Variants in RCC1L observed in about 807,000 individuals in gnomAD.
The protein encoded by RCC1L is RCC1 like.
In RCC1L, 46 loss-of-function variants were observed where a neutral mutation model predicts 58.6. The ratio of observed to expected loss-of-function variants is 0.79; its 90% CI spans 0.62 to 1.00. RCC1L has a LOEUF of 1.00. RCC1L is among the 50% of genes least tolerant of loss of function. The pLI, the probability that RCC1L is intolerant of heterozygous loss-of-function variation, is 0.00. For missense variants in RCC1L, 636 were observed against 623.6 expected (o/e 1.02, Z -0.21); for synonymous variants, 281 against 262.9 (o/e 1.07, Z -0.67).
At chr7:75,072,459 T>C (rs1806798631) in intron 1 of RCC1L, among the ~76,000 whole-genome samples, 2 of 151,970 alleles carry the variant, frequency 1.3e-5, no homozygotes, top group Admixed American at 1.3e-4. Flanking sequence ...TTGAGTAACT[T>C]GACTGCATGC....
chr7:75,028,310 G>A (rs1282597203), intron 10 of RCC1L, among the ~76,000 whole-genome samples: 1 of 151,874 alleles, frequency 6.6e-6, no homozygotes, highest in Non-Finnish European at 1.5e-5. Context: ...TGGTAGAGAC[G>A]GGGTTTCACC....
At chr7:75,041,006 T>C (rs1805545280), downstream of RCC1L, among the ~76,000 whole-genome samples, 2 of 152,004 alleles carry the variant, frequency 1.3e-5, no homozygotes, top group Admixed American at 6.6e-5. Flanking sequence ...TCACCTGAGG[T>C]CAGGAGTTCG....
At chr7:75,066,582 C>A (rs1554445152) in intron 3 of RCC1L, 82 bp downstream of exon 3, 4 of 1,585,402 alleles carry the variant, frequency 2.5e-6, no homozygotes, top group Non-Finnish European at 3.4e-6. Flanking sequence ...ATCGATCAAG[C>A]CACTCAGGCC....
At chr7:75,056,803 C>T in intron 8 of RCC1L, 2 of 1,331,902 alleles carry the variant, frequency 1.5e-6, no homozygotes, top group South Asian at 1.3e-5. Flanking sequence ...TAATCCAATG[C>T]CATCTTCCCA....
At chr7:75,038,918 AGT>A (rs1805486678), downstream of RCC1L, among the ~76,000 whole-genome samples, 1 of 152,102 alleles carries the variant, frequency 6.6e-6, no homozygotes, top group South Asian at 2.1e-4. Flanking sequence ...AAGGTCAAAG[AGT>A]GGAGTAGGGC....
At chr7:75,059,187 C>CAAAAAAAAAAAAAAAAAAAAAA (rs71278503) in intron 6 of RCC1L, among the ~76,000 whole-genome samples, 1 of 77,982 alleles carries the variant, frequency 1.3e-5, no homozygotes, top group Non-Finnish European at 2.6e-5. Context: ...ATGAGACTCT[C>CAAAAAAAAAAAAAAAAAAAAAA]AAAAAAAAAA....
chr7:75,058,639 A>G lies in RCC1L; in HGVS notation c.918T>C (p.Gly306=), dbSNP rs1371671142. 2 of 1,613,304 alleles carry G rather than the reference A, an allele frequency of 1.2e-6. No individual in the cohort carries two copies. The highest frequency in any genetic ancestry group is 1.7e-6 in the Non-Finnish European group (2 of 1,179,622). Residue 306 remains glycine (G), a synonymous_variant, in exon 7 of 11, where the codon GGT becomes GGC. Transcript: ENST00000610322. The part of the protein sequence containing the change: ...LAVSADGGLF[G]WGNSEYLQLA... ...GCTGCAGGTACTCCGAGTTTCCCCA[A>G]CCAAAAAGTCCTCCGTCGGCGGACA...
intron 4 of RCC1L, 128 bp downstream of exon 4, chr7:75,064,454 T>C (rs898668954): frequency 1.7e-5 from 17 of 976,954 alleles, no homozygotes; most frequent in Non-Finnish European, 2.8e-5. Context: ...CCCAGCTTTC[T>C]GCTGAGTTCT....
chr7:75,056,194 TTG>T, intron 8 of RCC1L, 120 bp from the exon 9 acceptor site: 1 of 1,231,416 alleles, frequency 8.1e-7, no homozygotes, highest in South Asian at 1.3e-5. Flanking sequence ...TGTTTTTTTT[TTG>T]TTTTGTTTTT....
In RCC1L at chr7:75,064,661, C is replaced by A; in HGVS notation, c.584-13G>T. On this transcript the variant is annotated splice_polypyrimidine_tract_variant and intron_variant, in intron 3 of 10. Transcript: ENST00000610322. Reference sequence around the variant, plus strand: ...CCCATGCTGAAGACTAAAAATAACACCACCAATCAAATCAGTTCTGCAGGT... The same window carrying A: ...CCCATGCTGAAGACTAAAAATAACAACACCAATCAAATCAGTTCTGCAGGT... 1 of 1,613,552 alleles carries A rather than the reference C, an allele frequency of 6.2e-7. No individual in the cohort carries two copies. The highest frequency in any genetic ancestry group is 8.5e-7 in the Non-Finnish European group (1 of 1,179,644).
intron 1 of RCC1L, 112 bp from the exon 2 acceptor site, chr7:75,070,881 TG>T: frequency 5.7e-6 from 8 of 1,403,580 alleles, no homozygotes; most frequent in Non-Finnish European, 7.7e-6. Flanking sequence ...ACGGGGGTTT[TG>T]TTTTTGTTTT....
chr7:75,040,573 G>A (rs1456622261), downstream of RCC1L, among the ~76,000 whole-genome samples: 6 of 152,048 alleles, frequency 3.9e-5, no homozygotes, highest in Admixed American at 6.6e-5. Flanking sequence ...ATCCTCACCT[G>A]CCATCCCGAA....
At chr7:75,058,038 G>C (rs1269601973) in intron 7 of RCC1L, 1 of 286,976 alleles carries the variant, frequency 3.5e-6, no homozygotes, top group Non-Finnish European at 6.7e-6. Flanking sequence ...AGTGCCTGTA[G>C]TCCCAGCTAC....
downstream of RCC1L, among the ~76,000 whole-genome samples, chr7:75,039,049 C>A (rs981530522): frequency 1.8e-3 from 277 of 152,336 alleles, 2 homozygotes; most frequent in African/African-American, 6.1e-3. Context: ...CCATGTTGGC[C>A]AGGCGGTCTC....
intron 10 of RCC1L, among the ~76,000 whole-genome samples, chr7:75,031,007 C>G (rs1805286422): frequency 6.6e-6 from 1 of 152,220 alleles, no homozygotes; most frequent in African/African-American, 2.4e-5. Flanking sequence ...GGTCCCAAGA[C>G]AGGCCAAGGC....
At position 75,042,546 on chromosome 7, in the gene RCC1L, G is replaced by GAA. The variant is rs1805597129; in HGVS notation, c.*485_*486insTT. On this transcript the variant is annotated 3_prime_UTR_variant, in exon 11 of 11. Transcript: ENST00000610322. ...GGCGGCCAGGAAGGGCCATGAGCAG[G>GAA]GTGGCCTGAATGAAAACCGAGGGCC... 2 of 998,490 alleles carry GAA rather than the reference G, an allele frequency of 2.0e-6. No homozygotes were observed. Among genetic ancestry groups the GAA allele is most frequent in the East Asian group, 2.2e-4 (2 of 9,194 alleles). 61.9% of individuals were successfully genotyped at this position (998,490 alleles called of 1,614,324 possible).
chr7:75,036,457 C>T (rs1805432662), intron 10 of RCC1L, among the ~76,000 whole-genome samples: 1 of 152,076 alleles, frequency 6.6e-6, no homozygotes, highest in Non-Finnish European at 1.5e-5. Flanking sequence ...GCCTTGGCTG[C>T]TCTGCAGGGC....
Position 75,042,999 on chromosome 7 carries a change from C to A in RCC1L, c.*33G>T. On this transcript the variant is annotated 3_prime_UTR_variant, in exon 11 of 11. Coordinates refer to ENST00000610322, the MANE Select transcript of RCC1L (RefSeq NM_030798.5). ...TCTGCCAAGGAGTGCCAGTGGTTCC[C>A]GGGACGGGGCCGCCCAAGCAGGTGA... 3 of 1,613,948 alleles carry A rather than the reference C, an allele frequency of 1.9e-6. No homozygotes were observed. Among genetic ancestry groups the A allele is most frequent in the Non-Finnish European group, 1.7e-6 (2 of 1,179,838 alleles).
chr7:75,030,404 C>G (rs1805269005), intron 10 of RCC1L, among the ~76,000 whole-genome samples: 1 of 152,204 alleles, frequency 6.6e-6, no homozygotes, highest in South Asian at 2.1e-4. Context: ...GAATGCAGAC[C>G]CTGGCTCCAG....
Sources: allele counts gnomAD v4.1 joint callset (sites outside exome capture counted in the v4.1 genomes callset), GRCh38; gene constraint gnomAD v4.1.1; transcripts MANE v1.5; gene names NCBI Gene and HGNC (gene_info 2026-07-23, HGNC 2026-07-21).